Variants in DYSF observed in about 807,000 individuals in gnomAD.
DYSF encodes dysferlin, also known as dystrophy-associated fer-1-like 1.
A neutral mutation model predicts 274.9 loss-of-function variants in DYSF; 212 were observed. The observed-to-expected ratio is 0.77, with a 90% CI of 0.69 to 0.86. The LOEUF is 0.86. DYSF is among the 40% of genes least tolerant of loss of function. The pLI, the probability that DYSF is intolerant of heterozygous loss-of-function variation, is 0.00. For synonymous variants in DYSF, 1,091 were observed against 1,078.7 expected (o/e 1.01, Z -0.22); for missense variants, 2,666 against 2,783.2 (o/e 0.96, Z 0.95).
intron 40 of DYSF, among the ~76,000 whole-genome samples, chr2:71,618,329 G>A (rs2093975682): frequency 2.4e-5 from 1 of 42,198 alleles, no homozygotes; most frequent in African/African-American, 7.4e-5. Flanking sequence ...TGGTAGAGAT[G>A]GGGTGTGTGT....
At chr2:71,676,073 C>G (rs1054741064) in intron 52 of DYSF, among the ~76,000 whole-genome samples, 1 of 152,188 alleles carries the variant, frequency 6.6e-6, no homozygotes, top group African/African-American at 2.4e-5. Context: ...GATTAATCCT[C>G]TCCTGGTGGG....
intron 32 of DYSF, among the ~76,000 whole-genome samples, chr2:71,597,239 T>TGGCAGTGCTA (rs1328993941): frequency 6.6e-6 from 1 of 152,156 alleles, no homozygotes; most frequent in Non-Finnish European, 1.5e-5. Context: ...GGGGAGTGAA[T>TGGCAGTGCTA]GGCAGTGCTA....
intron 24 of DYSF, among the ~76,000 whole-genome samples, chr2:71,564,914 G>C (rs763288142): frequency 1.3e-5 from 2 of 152,190 alleles, no homozygotes; most frequent in Non-Finnish European, 2.9e-5. Flanking sequence ...CGCGGACATA[G>C]AGCCAAAGCT....
At chr2:71,682,264 A>G (rs1337688406) in intron 54 of DYSF, among the ~76,000 whole-genome samples, 1 of 151,988 alleles carries the variant, frequency 6.6e-6, no homozygotes, top group African/African-American at 2.4e-5. Flanking sequence ...CCTGGAGAGG[A>G]TGGCAGAGAA....
intron 40 of DYSF, among the ~76,000 whole-genome samples, chr2:71,618,327 A>G (rs762190644): frequency 0.071 from 194 of 2,730 alleles, 2 homozygotes; most frequent in Middle Eastern, 0.12. Context: ...TGTGGTAGAG[A>G]TGGGGTGTGT....
At chr2:71,590,022 A>G (rs749916586) in intron 31 of DYSF, among the ~76,000 whole-genome samples, 189 bp from the exon 32 acceptor site, 2 of 151,978 alleles carry the variant, frequency 1.3e-5, no homozygotes, top group Non-Finnish European at 2.9e-5. Flanking sequence ...GGACATGTTA[A>G]TTAGTCAGGT....
intron 51 of DYSF, among the ~76,000 whole-genome samples, chr2:71,671,518 G>A (rs138456494): frequency 1.3e-5 from 2 of 152,262 alleles, no homozygotes; most frequent in Admixed American, 6.5e-5. Flanking sequence ...GGAATGGGAG[G>A]TGGGACAGCC....
chr2:71,453,871 G>C, exon 1 of DYSF: 2 of 933,028 alleles, frequency 2.1e-6, no homozygotes, highest in Non-Finnish European at 3.4e-6. Flanking sequence ...CCAGGAGCCA[G>C]AGATTCGAGC....
In DYSF at chr2:71,520,831, A is replaced by T; in HGVS notation, c.1076A>T (p.Asp359Val). The change falls in exon 12 of 56, where the codon GAT becomes GTT. Residue 359 changes from aspartate (D) to valine (V), a missense_variant. Coordinates refer to ENST00000410020, the MANE Select transcript of DYSF (RefSeq NM_001130987.2). ...AAGTGGCTGCTGCTCTCAGACCCTG[A>T]TGACTTCTCTGCTGGGGCCAGAGGC... The part of the protein sequence containing the change: ...LRKWLLLSDP[D>V]DFSAGARGYL... 1.9e-6 allele frequency: 3 copies of T among 1,614,066 alleles called. No homozygotes were observed. Among genetic ancestry groups the T allele is most frequent in the Non-Finnish European group, 2.5e-6 (3 of 1,179,998 alleles).
Position 71,568,447 on chromosome 2 carries a change from C to A in DYSF, c.2864+109C>A, listed in dbSNP as rs1458594677. On this transcript the variant is annotated intron_variant, in intron 26 of 55. Coordinates refer to ENST00000410020, the MANE Select transcript of DYSF (RefSeq NM_001130987.2). ...GGTCTGTTGATCCCTCTGCTTGCTC[C>A]TGCGCTGGTCATAGGAACTTCCGCT... The A allele has an allele frequency of 5.6e-6, 8 of 1,429,516 alleles. 1 individual carries two copies. Among genetic ancestry groups the A allele is most frequent in the Middle Eastern group, 5.1e-4 (2 of 3,938 alleles). 88.6% of individuals were successfully genotyped at this position (1,429,516 alleles called of 1,614,324 possible).
chr2:71,670,455 A>G (rs1009110255), intron 51 of DYSF, among the ~76,000 whole-genome samples: 3 of 152,156 alleles, frequency 2.0e-5, no homozygotes, highest in Non-Finnish European at 4.4e-5. Flanking sequence ...TCTTTCTCAT[A>G]TCCCATTTTC....
chr2:71,612,781 G>A lies in DYSF; in HGVS notation c.4362G>A (p.Glu1454=), dbSNP rs748030995. The stretch of plus-strand genomic sequence containing the variant: ...TCCTGTGTGACCCCTACTCGGCGGA[G>A]AGTCCATCCCCACAGGGTGGCCCAG... ...ESFLCDPYSA[E]SPSPQGGPDD... The change falls in exon 39 of 56, where the codon GAG becomes GAA. Residue 1454 remains glutamate (E), a synonymous_variant. Coordinates refer to ENST00000410020, the MANE Select transcript of DYSF (RefSeq NM_001130987.2). 5.0e-6 allele frequency: 8 copies of A among 1,613,918 alleles called. No homozygotes were observed. In the South Asian group the frequency reaches 7.7e-5, roughly 16 times the overall value.
intron 46 of DYSF, 110 bp from the exon 47 acceptor site, chr2:71,665,052 A>G: frequency 6.4e-7 from 1 of 1,563,854 alleles, no homozygotes; most frequent in Non-Finnish European, 8.7e-7. Context: ...CCACTGTAAA[A>G]GCAAGGAGTG....
rs755567726 is a variant in DYSF, at chr2:71,503,086, G to A, written c.240-128G>A. 1.7e-5 allele frequency: 14 copies of A among 842,394 alleles called. No individual in the cohort carries two copies. In the East Asian group the frequency reaches 1.7e-4, roughly 10 times the overall value. 52.2% of individuals were successfully genotyped at this position (842,394 alleles called of 1,614,324 possible). ...GGTGTGGGGGTGCAGGAGAGCCCTC[G>A]TGGGGTGCTGGGTGACTGTGTGGTC... On this transcript the variant is annotated intron_variant, in intron 3 of 55. Transcript: ENST00000410020.
At chr2:71,505,093 A>G (rs1054544868) in intron 4 of DYSF, among the ~76,000 whole-genome samples, 14 of 152,196 alleles carry the variant, frequency 9.2e-5, no homozygotes, top group Non-Finnish European at 1.6e-4. Flanking sequence ...GGAGTTGGGG[A>G]GCCTCCTCCC....
intron 35 of DYSF, among the ~76,000 whole-genome samples, chr2:71,602,190 T>G (rs1045577330): frequency 2.3e-4 from 35 of 152,200 alleles, no homozygotes; most frequent in Non-Finnish European, 4.4e-5. Flanking sequence ...ATTACCTGAT[T>G]ACATGCCAAG....
At chr2:71,602,927 G>A (rs1480587088) in intron 36 of DYSF, 122 bp downstream of exon 36, 3 of 1,197,228 alleles carry the variant, frequency 2.5e-6, no homozygotes, top group Admixed American at 4.0e-5. Flanking sequence ...GTCACATGGA[G>A]ACCTGTCTGG....
At chr2:71,474,222 A>G (rs4428032) in intron 1 of DYSF, among the ~76,000 whole-genome samples, 101,097 of 152,036 alleles carry the variant, frequency 0.66, 34,534 homozygotes, top group African/African-American at 0.83. Flanking sequence ...AACCATGCCC[A>G]GCCGATTTTG....
intron 41 of DYSF, among the ~76,000 whole-genome samples, chr2:71,637,944 G>T (rs536424479): frequency 6.6e-6 from 1 of 152,118 alleles, no homozygotes; most frequent in African/African-American, 2.4e-5. Flanking sequence ...TGGTGTGGCC[G>T]GGAGGAAGGT....
Sources: allele counts gnomAD v4.1 joint callset (sites outside exome capture counted in the v4.1 genomes callset), GRCh38; gene constraint gnomAD v4.1.1; transcripts MANE v1.5; gene names NCBI Gene and HGNC (gene_info 2026-07-23, HGNC 2026-07-21).